KIAA1549: variants seen among roughly 807,000 people sequenced by gnomAD.
KIAA1549 encodes the protein UPF0606 protein KIAA1549.
Under a neutral mutation model 156.4 loss-of-function variants are expected in KIAA1549, and 70 were observed. That is an observed-to-expected ratio of 0.45 (90% confidence interval 0.37 to 0.55). KIAA1549 has a LOEUF of 0.55. Ranked by LOEUF, KIAA1549 falls within the 20% of genes least tolerant of loss-of-function variation. KIAA1549 has a pLI of 0.00. For missense variants in KIAA1549, 2,428 were observed against 2,540.9 expected (o/e 0.96, Z 0.96); for synonymous variants, 1,103 against 1,066.4 (o/e 1.03, Z -0.67).
chr7:138,904,625 A>G (rs1309738026), intron 7 of KIAA1549, among the ~76,000 whole-genome samples: 2 of 150,976 alleles, frequency 1.3e-5, no homozygotes, highest in African/African-American at 4.9e-5. Flanking sequence ...CTAAGACAAA[A>G]AAAAAAAAAA....
At chr7:138,861,604 G>A in intron 15 of KIAA1549, 148 bp from the exon 16 acceptor site, 2 of 706,892 alleles carry the variant, frequency 2.8e-6, no homozygotes, top group Non-Finnish European at 4.6e-6. Context: ...TTTAATTCCA[G>A]GATTTGGGGA....
chr7:138,868,518 C>T (rs1000285146), intron 14 of KIAA1549, among the ~76,000 whole-genome samples: 1 of 152,180 alleles, frequency 6.6e-6, no homozygotes, highest in Non-Finnish European at 1.5e-5. Context: ...ACCTCCACTT[C>T]CCAGGTTGAA....
At position 138,854,305 on chromosome 7, in the gene KIAA1549, CA is replaced by C. The variant is rs533745185; in HGVS notation, c.5248-2037del. Among the ~76,000 whole-genome samples the C allele has an allele frequency of 1.2e-3, 176 of 152,278 alleles. 7 individuals are homozygous for C. In the South Asian group the frequency reaches 0.036, roughly 31 times the overall value. ...ATAGGCCCGAGGTAAAGCAACCAGA[CA>C]GTAAGGTCTGCTTGTGAAGTGTCTC... On this transcript the variant is annotated intron_variant, in intron 16 of 19. Coordinates refer to ENST00000422774, the MANE Select transcript of KIAA1549 (RefSeq NM_001164665.2).
At position 138,918,731 on chromosome 7, in the gene KIAA1549, T is replaced by C. The variant is rs767358584; in HGVS notation, c.895A>G (p.Ile299Val). The C allele has an allele frequency of 1.2e-6, 2 of 1,613,858 alleles. No individual in the cohort carries two copies. The highest frequency in any genetic ancestry group is 1.7e-5 in the Admixed American group (1 of 60,022). The change falls in exon 2 of 20, where the codon ATA (isoleucine) becomes GTA (valine). Residue 299 changes from isoleucine to valine, a missense_variant. Physicochemically the swap from Ile to Val is conservative, Grantham distance 29. Transcript: ENST00000422774. This position sits in a 1 kb window ranked among gnomAD's most constrained non-coding sequence, Gnocchi z 4.2. ...ACCTCCCCCAAGGAGGGCAACGGTA[T>C]AGTAATGCCGTCGCCTAACGGCTGT... is the stretch of plus-strand genomic sequence containing the variant. ...MPQPLGDGITIPLPSLGEVSQ... is the reference protein window; with the variant it reads ...MPQPLGDGITVPLPSLGEVSQ...
chr7:138,942,085 G>A (rs190084581), intron 1 of KIAA1549, among the ~76,000 whole-genome samples: 420 of 152,216 alleles, frequency 2.8e-3, no homozygotes, highest in Admixed American at 6.4e-3. Flanking sequence ...TGAAAAACCC[G>A]AGGCTCCAAA....
chr7:138,850,734 G>C (rs2354334), intron 17 of KIAA1549, among the ~76,000 whole-genome samples: 24,979 of 152,122 alleles, frequency 0.16, 2,169 homozygotes, highest in African/African-American at 0.19. Context: ...TTTTGCTTTT[G>C]TTGTGATTGC....
chr7:138,969,555 G>GTGC (rs1392064918), intron 1 of KIAA1549, among the ~76,000 whole-genome samples: 1 of 152,116 alleles, frequency 6.6e-6, no homozygotes, highest in Admixed American at 6.6e-5. Flanking sequence ...GTACATAGTT[G>GTGC]GTACGTATAT....
chr7:138,896,252 C>T (rs147000268), intron 9 of KIAA1549, among the ~76,000 whole-genome samples: 187 of 152,266 alleles, frequency 1.2e-3, no homozygotes, highest in African/African-American at 4.4e-3. Flanking sequence ...TTAACACCTG[C>T]TATGGGATCA....
At chr7:138,964,928 C>T (rs998197770) in intron 1 of KIAA1549, among the ~76,000 whole-genome samples, 13 of 151,838 alleles carry the variant, frequency 8.6e-5, no homozygotes, top group Admixed American at 3.9e-4. Context: ...GTATACACAA[C>T]GATGCTCATA....
At chr7:138,973,193 C>G (rs62488862) in intron 1 of KIAA1549, among the ~76,000 whole-genome samples, 1 of 152,344 alleles carries the variant, frequency 6.6e-6, no homozygotes, top group South Asian at 2.1e-4. Context: ...TTTAAAACTT[C>G]CACCAACCCT....
intron 1 of KIAA1549, among the ~76,000 whole-genome samples, chr7:138,943,668 TGAAACCCCGTCTCTACTA>T (rs1813253951): frequency 1.3e-5 from 2 of 152,012 alleles, no homozygotes; most frequent in Admixed American, 1.3e-4. Context: ...GCTAACATGG[TGAAACCCCGTCTCTACTA>T]AAAATACAAA....
chr7:138,834,215 A>G lies in KIAA1549; in HGVS notation c.*3691T>C. 5.2e-6 allele frequency: 1 copy of G among 191,664 alleles called. No individual in the cohort carries two copies. The highest frequency in any genetic ancestry group is 1.1e-5 in the Non-Finnish European group (1 of 91,508). The allele number at this position is 191,664 out of a possible 1,614,324, so 11.9% of individuals were successfully genotyped here. Reference sequence around the variant, plus strand: ...TGCTCTGTCGCCCAGGTTGGAGTACAGTGGTGCAATCTCAGCTCACTGCAA... The same window carrying G: ...TGCTCTGTCGCCCAGGTTGGAGTACGGTGGTGCAATCTCAGCTCACTGCAA... On this transcript the variant is annotated 3_prime_UTR_variant, in exon 20 of 20. Transcript: ENST00000422774.
Position 138,894,439 on chromosome 7 carries a change from A to G in KIAA1549, c.3935T>C (p.Val1312Ala). The G allele has an allele frequency of 1.9e-6, 3 of 1,613,964 alleles. No individual in the cohort carries two copies. Among genetic ancestry groups the G allele is most frequent in the Non-Finnish European group, 2.5e-6 (3 of 1,179,876 alleles). The change falls in exon 10 of 20, where the codon GTG (valine) becomes GCG (alanine). Residue 1312 changes from valine (V) to alanine (A), a missense_variant. Coordinates refer to ENST00000422774, the MANE Select transcript of KIAA1549 (RefSeq NM_001164665.2). ...GTAGAGGATGACAACAATCACCATC[A>G]CCACCAGCACTGGGATGACCACGCC... is the stretch of plus-strand genomic sequence containing the variant. ...IVGVVIPVLVVMVIVVILYWK... is the reference protein window; with the variant it reads ...IVGVVIPVLVAMVIVVILYWK...
intron 1 of KIAA1549, among the ~76,000 whole-genome samples, chr7:138,926,356 G>C (rs577476298): frequency 2.0e-5 from 3 of 151,540 alleles, no homozygotes; most frequent in Non-Finnish European, 4.4e-5. Context: ...GTGCAATCTC[G>C]GCTCACTGAA....
In KIAA1549 at chr7:138,905,044, C is replaced by T. The variant is rs1206032145; in HGVS notation, c.3498G>A (p.Leu1166=). The T allele has an allele frequency of 2.5e-6, 4 of 1,576,974 alleles. No homozygotes were observed. The Admixed American group carries it at 7.3e-5, about 29-fold the overall frequency. The change falls in exon 7 of 20, where the codon CTG becomes CTA. Residue 1166 remains leucine (L), a synonymous_variant. Transcript: ENST00000422774. ...TACCTGTTCTGACCCAAGAGGACTT[C>T]AGCAACTGAGATAAGTTGAGCTGTG... ...QYPQLNLSQL[L]KSSWVRTVLL...
At chr7:138,906,057 TG>T (rs1406484810) in intron 6 of KIAA1549, among the ~76,000 whole-genome samples, 1 of 152,220 alleles carries the variant, frequency 6.6e-6, no homozygotes, top group Non-Finnish European at 1.5e-5. Context: ...GTGTACTTTT[TG>T]ATAGCACCCC....
At chr7:138,879,395 T>G (rs2130401835) in intron 12 of KIAA1549, 143 bp downstream of exon 12, 1 of 595,724 alleles carries the variant, frequency 1.7e-6, no homozygotes, top group African/African-American at 1.9e-5. Context: ...TGACAACTGG[T>G]GCTAAGAAAC....
Position 138,891,891 on chromosome 7 carries a change from G to A in KIAA1549, c.4032+2451C>T, listed in dbSNP as rs115285546. The stretch of plus-strand genomic sequence containing the variant: ...GGCCACATGACCTTAAAAGAAACAC[G>A]TATGAACTAAAGACATTTGTTTTTA... On this transcript the variant is annotated intron_variant, in intron 10 of 19. Transcript: ENST00000422774. Among the ~76,000 whole-genome samples, 568 of 152,260 alleles carry A rather than the reference G, an allele frequency of 3.7e-3. 2 individuals are homozygous for A. The highest frequency in any genetic ancestry group is 0.013 in the African/African-American group (536 of 41,542).
intron 1 of KIAA1549, among the ~76,000 whole-genome samples, chr7:138,961,656 C>T (rs1456904275): frequency 6.6e-6 from 1 of 152,092 alleles, no homozygotes; most frequent in Non-Finnish European, 1.5e-5. Context: ...CCCCATCTCA[C>T]TTAAGTGATG....
Sources: gnomAD v4.1 joint callset for allele counts (sites outside exome capture counted in the v4.1 genomes callset) on GRCh38, gnomAD v4.1.1 for gene constraint, Gnocchi (gnomAD v3.1) non-coding constraint, MANE v1.5 for transcripts, NCBI Gene and HGNC (gene_info 2026-07-23, HGNC 2026-07-21) for gene names.